EVI5: variants seen among roughly 807,000 people sequenced by gnomAD.
EVI5 encodes ecotropic viral integration site 5 protein homolog.
Under a neutral mutation model 112.0 loss-of-function variants are expected in EVI5, and 73 were observed. The observed-to-expected ratio is 0.65, with a 90% CI of 0.54 to 0.79. The LOEUF is 0.79. Ranked by LOEUF, EVI5 falls within the 30% of genes least tolerant of loss-of-function variation. The probability of loss-of-function intolerance (pLI) is 0.00; values close to 1 mark genes in which losing one functional copy is unlikely to be tolerated. For synonymous variants in EVI5, 305 were observed against 319.9 expected (o/e 0.95, Z 0.50); for missense variants, 900 against 968.8 (o/e 0.93, Z 0.94).
chr1:92,596,475 T>C (rs1018180028), intron 18 of EVI5, among the ~76,000 whole-genome samples: 16 of 152,220 alleles, frequency 1.1e-4, no homozygotes, highest in African/African-American at 3.9e-4. Flanking sequence ...GCCTGGTATG[T>C]ACCAAGTGTT....
At chr1:92,597,523 G>C (rs990258743) in intron 18 of EVI5, among the ~76,000 whole-genome samples, 1 of 152,180 alleles carries the variant, frequency 6.6e-6, no homozygotes, top group African/African-American at 2.4e-5. Flanking sequence ...CATTTGGACA[G>C]AGGCTGAATT....
At chr1:92,537,106 A>C (rs1031703245) in intron 19 of EVI5, among the ~76,000 whole-genome samples, 1 of 152,188 alleles carries the variant, frequency 6.6e-6, no homozygotes, top group African/African-American at 2.4e-5. Flanking sequence ...TTTGAAAGAC[A>C]ATCAATCCAC....
intron 1 of EVI5, among the ~76,000 whole-genome samples, chr1:92,752,229 C>T (rs1003007626): frequency 2.6e-5 from 4 of 152,088 alleles, no homozygotes; most frequent in African/African-American, 9.7e-5. Context: ...GGCTAGAGTA[C>T]AGTGGCACAA....
intron 1 of EVI5, among the ~76,000 whole-genome samples, chr1:92,772,675 G>A (rs566376525): frequency 6.6e-6 from 1 of 152,224 alleles, no homozygotes; most frequent in South Asian, 2.1e-4. Flanking sequence ...GGGCGAGGCA[G>A]GTGGATCACC....
chr1:92,784,708 C>T, intron 1 of EVI5, 128 bp downstream of exon 1: 1 of 654,012 alleles, frequency 1.5e-6, no homozygotes, highest in Non-Finnish European at 1.9e-6. Flanking sequence ...CGCGCCCGCC[C>T]CGCTCCCACA....
intron 18 of EVI5, among the ~76,000 whole-genome samples, chr1:92,599,526 A>G (rs1571813059): frequency 6.6e-6 from 1 of 152,056 alleles, no homozygotes. Context: ...ATATACCTCT[A>G]TATATCTATA....
intron 16 of EVI5, among the ~76,000 whole-genome samples, chr1:92,619,733 A>C (rs1248673098): frequency 6.6e-6 from 1 of 151,724 alleles, no homozygotes; most frequent in African/African-American, 2.4e-5. Flanking sequence ...CCTGGGCAAC[A>C]CAGTGAGACC....
chr1:92,573,918 G>A (rs1433634196), intron 18 of EVI5, among the ~76,000 whole-genome samples: 1 of 151,980 alleles, frequency 6.6e-6, no homozygotes, highest in Non-Finnish European at 1.5e-5. Context: ...CCAAACATTT[G>A]GGGACCAGCA....
intron 2 of EVI5, among the ~76,000 whole-genome samples, chr1:92,720,364 T>C (rs1454191869): frequency 6.6e-6 from 1 of 151,678 alleles, no homozygotes; most frequent in African/African-American, 2.4e-5. Flanking sequence ...GCCTCAGAAA[T>C]AACACCGCAC....
intron 16 of EVI5, among the ~76,000 whole-genome samples, chr1:92,619,274 A>G (rs1472659216): frequency 6.6e-6 from 1 of 151,946 alleles, no homozygotes; most frequent in African/African-American, 2.4e-5. Context: ...TGAAAAGGAG[A>G]GACTGGCCCA....
At chr1:92,744,132 T>C (rs1678878596) in intron 1 of EVI5, among the ~76,000 whole-genome samples, 1 of 152,218 alleles carries the variant, frequency 6.6e-6, no homozygotes, top group African/African-American at 2.4e-5. Flanking sequence ...TCTTTCTAAC[T>C]ATACAACACA....
intron 1 of EVI5, among the ~76,000 whole-genome samples, chr1:92,767,724 T>C (rs567516091): frequency 1.3e-5 from 2 of 152,362 alleles, no homozygotes; most frequent in African/African-American, 2.4e-5. Context: ...TTCCTTGAAT[T>C]AAGCAATAAT....
intron 18 of EVI5, among the ~76,000 whole-genome samples, chr1:92,576,199 T>C (rs1671053137): frequency 6.6e-6 from 1 of 152,038 alleles, no homozygotes; most frequent in African/African-American, 2.4e-5. Flanking sequence ...TAGAGTCATA[T>C]GTATGATATT....
chr1:92,703,692 G>C (rs1671542540), intron 3 of EVI5, 73 bp from the exon 4 acceptor site: 2 of 904,574 alleles, frequency 2.2e-6, no homozygotes, highest in African/African-American at 3.5e-5. Flanking sequence ...AGACTTATTA[G>C]GGGGTTGGAA....
chr1:92,741,765 T>C (rs1277185570), intron 1 of EVI5, among the ~76,000 whole-genome samples: 3 of 152,188 alleles, frequency 2.0e-5, no homozygotes, highest in African/African-American at 4.8e-5. Context: ...AAGTAGGTAA[T>C]GTCTCCATTT....
At chr1:92,774,274 T>C (rs767766921) in intron 1 of EVI5, among the ~76,000 whole-genome samples, 3 of 152,204 alleles carry the variant, frequency 2.0e-5, no homozygotes, top group Non-Finnish European at 2.9e-5. Flanking sequence ...CCTGAAGATA[T>C]TACATTTTTC....
At chr1:92,690,002 C>G (rs1669225001) in intron 9 of EVI5, among the ~76,000 whole-genome samples, 2 of 152,130 alleles carry the variant, frequency 1.3e-5, no homozygotes, top group African/African-American at 4.8e-5. Context: ...AATCTTCCCA[C>G]CTCAGCCTAT....
At chr1:92,652,794 A>G (rs901804604) in intron 13 of EVI5, among the ~76,000 whole-genome samples, 1 of 152,226 alleles carries the variant, frequency 6.6e-6, no homozygotes, top group Non-Finnish European at 1.5e-5. Flanking sequence ...AATAACCATA[A>G]TGTGAATAGA....
At chr1:92,782,913 C>T (rs755640379) in intron 1 of EVI5, among the ~76,000 whole-genome samples, 6 of 152,088 alleles carry the variant, frequency 3.9e-5, no homozygotes, top group East Asian at 3.9e-4. Flanking sequence ...TCGACCTCCC[C>T]GGCTTTGGTG....
Sources: allele counts gnomAD v4.1 joint callset (sites outside exome capture counted in the v4.1 genomes callset), GRCh38; gene constraint gnomAD v4.1.1; transcripts MANE v1.5; gene names NCBI Gene and HGNC (gene_info 2026-07-23, HGNC 2026-07-21).